CRTAC1: variants seen among roughly 807,000 people sequenced by gnomAD.
CRTAC1 encodes acidic secreted protein in cartilage.
CRTAC1 carries 37 observed loss-of-function variants against 67.8 expected under a neutral mutation model. The observed-to-expected ratio is 0.55, with a 90% CI of 0.42 to 0.72. The LOEUF is 0.72. Among genes scored for constraint, CRTAC1 ranks in the 30% least tolerant of loss-of-function variants. The pLI is 0.00. For synonymous variants in CRTAC1, 348 were observed against 371.0 expected (o/e 0.94, Z 0.71); for missense variants, 780 against 931.6 (o/e 0.84, Z 2.12).
chr10:98,007,809 A>C (rs983208275), intron 2 of CRTAC1, among the ~76,000 whole-genome samples: 4 of 152,254 alleles, frequency 2.6e-5, no homozygotes, highest in African/African-American at 9.6e-5. Flanking sequence ...CCTTGTAGTC[A>C]GTGCAAATGA....
chr10:97,923,502 C>T, intron 3 of CRTAC1, 102 bp from the exon 4 acceptor site: 1 of 1,465,316 alleles, frequency 6.8e-7, no homozygotes, highest in Non-Finnish European at 9.4e-7. Context: ...TGGTTGGGAC[C>T]AGAGGAGGTT....
intron 4 of CRTAC1, among the ~76,000 whole-genome samples, chr10:97,922,347 C>T (rs1401454595): frequency 6.6e-6 from 1 of 152,252 alleles, no homozygotes; most frequent in African/African-American, 2.4e-5. Flanking sequence ...GAGGCCCCTG[C>T]TGTAAAGATT....
At chr10:97,969,798 G>A (rs1388992802) in intron 2 of CRTAC1, among the ~76,000 whole-genome samples, 3 of 152,020 alleles carry the variant, frequency 2.0e-5, no homozygotes, top group Non-Finnish European at 2.9e-5. Context: ...GGTTGCTGAC[G>A]CTGGAGGCAG....
At chr10:97,965,413 G>A (rs144289791) in intron 2 of CRTAC1, among the ~76,000 whole-genome samples, 49 of 152,208 alleles carry the variant, frequency 3.2e-4, no homozygotes, top group African/African-American at 1.1e-3. Context: ...AACATCATTG[G>A]ATTGAACCCC....
chr10:97,989,904 GTTC>G (rs904974007), intron 2 of CRTAC1, among the ~76,000 whole-genome samples: 39 of 152,304 alleles, frequency 2.6e-4, no homozygotes, highest in African/African-American at 7.5e-4. Flanking sequence ...TCTTCTCTCT[GTTC>G]TTCTTTTCTC....
intron 2 of CRTAC1, among the ~76,000 whole-genome samples, chr10:97,948,148 G>A (rs973735862): frequency 8.0e-5 from 12 of 150,890 alleles, no homozygotes; most frequent in Non-Finnish European, 1.8e-4. Flanking sequence ...ATGTGATTAG[G>A]TTTCTGTTCC....
intron 11 of CRTAC1, among the ~76,000 whole-genome samples, chr10:97,887,908 C>T (rs522540): frequency 0.57 from 86,528 of 152,206 alleles, 24,974 homozygotes; most frequent in East Asian, 0.86. Flanking sequence ...ACACTGACAG[C>T]GTGCCCCAAG....
At chr10:97,907,324 C>T (rs922350969) in intron 6 of CRTAC1, among the ~76,000 whole-genome samples, 5 of 150,172 alleles carry the variant, frequency 3.3e-5, no homozygotes, top group Non-Finnish European at 1.5e-5. Context: ...TTGAGGTGAA[C>T]GATGAAGGCT....
intron 14 of CRTAC1, among the ~76,000 whole-genome samples, chr10:97,874,033 G>C (rs762393678): frequency 2.0e-5 from 3 of 152,198 alleles, no homozygotes; most frequent in Non-Finnish European, 4.4e-5. Flanking sequence ...TCCTGATCTT[G>C]TTCATACACT....
chr10:98,003,303 T>G (rs1408289813), intron 2 of CRTAC1, among the ~76,000 whole-genome samples: 1 of 152,216 alleles, frequency 6.6e-6, no homozygotes, highest in Admixed American at 6.5e-5. Flanking sequence ...ATGAACTTAA[T>G]GGCTTACAAC....
At chr10:97,979,591 T>C (rs1054240448) in intron 2 of CRTAC1, among the ~76,000 whole-genome samples, 10 of 152,172 alleles carry the variant, frequency 6.6e-5, no homozygotes, top group African/African-American at 9.7e-5. Flanking sequence ...CACTGAGTGA[T>C]TCTTCTTTTA....
chr10:98,010,172 T>G (rs761913395), intron 2 of CRTAC1, among the ~76,000 whole-genome samples: 4 of 152,044 alleles, frequency 2.6e-5, no homozygotes, highest in Admixed American at 2.0e-4. Context: ...CCTGAGTAGC[T>G]GGGATTACAT....
intron 14 of CRTAC1, chr10:97,878,794 G>T: frequency 9.6e-7 from 1 of 1,037,356 alleles, no homozygotes; most frequent in Non-Finnish European, 1.3e-6. Context: ...CAACTCTCTT[G>T]TCATCTACAT....
At chr10:97,968,027 A>T (rs1425225408) in intron 2 of CRTAC1, among the ~76,000 whole-genome samples, 2 of 152,230 alleles carry the variant, frequency 1.3e-5, no homozygotes, top group Non-Finnish European at 1.5e-5. Context: ...AACAGGTAGG[A>T]AATTTATGGG....
chr10:97,920,646 C>T (rs1045096454), intron 4 of CRTAC1, among the ~76,000 whole-genome samples: 1 of 152,194 alleles, frequency 6.6e-6, no homozygotes, highest in African/African-American at 2.4e-5. Context: ...AACCACTGGT[C>T]CAGGGCCATT....
At chr10:98,000,360 C>T (rs1402230788) in intron 2 of CRTAC1, among the ~76,000 whole-genome samples, 1 of 152,220 alleles carries the variant, frequency 6.6e-6, no homozygotes, top group Non-Finnish European at 1.5e-5. Flanking sequence ...CTTCTAGGTG[C>T]CACCACGTTC....
intron 14 of CRTAC1, chr10:97,870,706 CA>C (rs1345307743): frequency 2.6e-5 from 4 of 151,674 alleles, no homozygotes; most frequent in African/African-American, 9.7e-5. Context: ...ACACATATGC[CA>C]AACAGACAAC....
At chr10:97,896,057 G>C (rs2050454553) in intron 9 of CRTAC1, 72 bp from the exon 10 acceptor site, 1 of 1,365,140 alleles carries the variant, frequency 7.3e-7, no homozygotes, top group Non-Finnish European at 1.0e-6. Flanking sequence ...TCCCAACCAA[G>C]TGCAGTATCC....
chr10:97,939,484 C>T (rs1409169128), intron 2 of CRTAC1, among the ~76,000 whole-genome samples: 1 of 152,142 alleles, frequency 6.6e-6, no homozygotes, highest in African/African-American at 2.4e-5. Flanking sequence ...ACTACAGATA[C>T]AAAGCCAGAC....
Sources: allele counts gnomAD v4.1 joint callset (sites outside exome capture counted in the v4.1 genomes callset), GRCh38; gene constraint gnomAD v4.1.1; transcripts MANE v1.5; gene names NCBI Gene and HGNC (gene_info 2026-07-23, HGNC 2026-07-21).